Variants in NBEA observed in about 807,000 individuals in gnomAD.
NBEA encodes neurobeachin.
In NBEA, 44 loss-of-function variants were observed where a neutral mutation model predicts 343.4. That is an observed-to-expected ratio of 0.13 (90% CI 0.10 to 0.16). NBEA has a LOEUF of 0.16. NBEA is among the 10% of genes least tolerant of loss of function. The pLI, the probability that NBEA is intolerant of heterozygous loss-of-function variation, is 1.00. For synonymous variants in NBEA, 1,175 were observed against 1,238.7 expected, an observed-to-expected ratio of 0.95 and a Z score of 1.08; for missense variants, 2,555 against 3,631.3, an observed-to-expected ratio of 0.70 and a Z score of 7.62.
intron 48 of NBEA, among the ~76,000 whole-genome samples, chr13:35,626,183 T>C (rs2083221660): frequency 6.6e-6 from 1 of 152,180 alleles, no homozygotes; most frequent in Non-Finnish European, 1.5e-5. Flanking sequence ...TATATTTTTA[T>C]AGTTCAAAAG....
chr13:35,171,412 C>T lies in NBEA; in HGVS notation c.4383C>T (p.Asn1461=). ...TTAGTGAGATTGAAGCTGAGAAAAACATGTCTTCTGGAGGTTTAATGCGAC... is the reference window on the plus strand; with the variant it reads ...TTAGTGAGATTGAAGCTGAGAAAAATATGTCTTCTGGAGGTTTAATGCGAC... The part of the protein sequence containing the change: ...LNFSEIEAEK[N]MSSGGLMRQC... Residue 1461 remains asparagine, a synonymous_variant, in exon 26 of 59, where the codon AAC becomes AAT. Coordinates refer to ENST00000379939, the MANE Select transcript of NBEA (RefSeq NM_001385012.1). The T allele has an allele frequency of 6.2e-7, 1 of 1,611,908 alleles. No homozygotes were observed. The highest frequency in any genetic ancestry group is 8.5e-7 in the Non-Finnish European group (1 of 1,178,448).
intron 38 of NBEA, among the ~76,000 whole-genome samples, chr13:35,399,899 A>G (rs1414715697): frequency 1.3e-5 from 2 of 152,028 alleles, no homozygotes; most frequent in African/African-American, 4.8e-5. Flanking sequence ...GGAATAGGGA[A>G]GCCCAAAGGG....
chr13:34,969,621 C>G (rs1369481090), intron 1 of NBEA, among the ~76,000 whole-genome samples: 1 of 152,036 alleles, frequency 6.6e-6, no homozygotes, highest in Non-Finnish European at 1.5e-5. Context: ...TACCATTTAG[C>G]TCCCACTTAC....
intron 1 of NBEA, among the ~76,000 whole-genome samples, chr13:35,008,387 C>T (rs963640006): frequency 1.3e-5 from 2 of 152,098 alleles, no homozygotes; most frequent in African/African-American, 4.8e-5. Context: ...CTCCCATATC[C>T]TTTAAATAAT....
At chr13:35,240,559 C>G (rs2030074610) in intron 34 of NBEA, among the ~76,000 whole-genome samples, 1 of 151,790 alleles carries the variant, frequency 6.6e-6, no homozygotes, top group Non-Finnish European at 1.5e-5. Context: ...AAAATTAATA[C>G]TGGAGGAAAT....
chr13:35,084,355 A>G (rs553248848), intron 10 of NBEA, among the ~76,000 whole-genome samples: 79 of 150,588 alleles, frequency 5.2e-4, no homozygotes, highest in African/African-American at 1.8e-3. Context: ...ATGTAAAAGA[A>G]CAGAAATTAT....
intron 38 of NBEA, among the ~76,000 whole-genome samples, chr13:35,373,315 A>G (rs1228104432): frequency 1.3e-5 from 2 of 152,178 alleles, no homozygotes; most frequent in Non-Finnish European, 2.9e-5. Context: ...GCCTCTAGTC[A>G]GCCATGTTAA....
At chr13:35,255,836 G>A (rs1290802470) in intron 34 of NBEA, among the ~76,000 whole-genome samples, 1 of 152,228 alleles carries the variant, frequency 6.6e-6, no homozygotes, top group African/African-American at 2.4e-5. Flanking sequence ...ACCATTTGGT[G>A]AGTCCCAAGT....
At chr13:35,256,018 G>A (rs1427183711) in intron 34 of NBEA, among the ~76,000 whole-genome samples, 2 of 151,830 alleles carry the variant, frequency 1.3e-5, no homozygotes, top group Non-Finnish European at 2.9e-5. Flanking sequence ...AAGGATACCT[G>A]GAGTGAGTAG....
intron 34 of NBEA, among the ~76,000 whole-genome samples, chr13:35,264,649 A>G (rs949822620): frequency 1.3e-5 from 2 of 151,964 alleles, no homozygotes; most frequent in Non-Finnish European, 1.5e-5. Flanking sequence ...GACAAAAACC[A>G]TATGATCATT....
intron 34 of NBEA, among the ~76,000 whole-genome samples, chr13:35,266,303 A>G (rs1195942723): frequency 6.6e-6 from 1 of 151,872 alleles, no homozygotes; most frequent in Non-Finnish European, 1.5e-5. Context: ...CTAAAAACAG[A>G]ACTACCATAT....
At chr13:35,166,535 A>C (rs920925222) in intron 24 of NBEA, among the ~76,000 whole-genome samples, 1 of 152,060 alleles carries the variant, frequency 6.6e-6, no homozygotes, top group African/African-American at 2.4e-5. Flanking sequence ...TTATTTTCTC[A>C]ATTTCTATAT....
At chr13:35,108,177 A>G (rs2066011537) in intron 11 of NBEA, among the ~76,000 whole-genome samples, 1 of 152,002 alleles carries the variant, frequency 6.6e-6, no homozygotes, top group Non-Finnish European at 1.5e-5. Flanking sequence ...TAGCGAGGAA[A>G]GATGTGTTGT....
intron 46 of NBEA, among the ~76,000 whole-genome samples, chr13:35,587,973 A>C (rs567287866): frequency 3.9e-5 from 6 of 152,316 alleles, no homozygotes; most frequent in African/African-American, 7.2e-5. Context: ...GAAACAGGTA[A>C]AATTAATTTT....
chr13:34,965,031 T>C (rs2059776605), intron 1 of NBEA, among the ~76,000 whole-genome samples: 1 of 152,080 alleles, frequency 6.6e-6, no homozygotes, highest in African/African-American at 2.4e-5. Flanking sequence ...TGATACATAT[T>C]ATGGTCTTCC....
chr13:35,516,368 C>T (rs528256583), intron 41 of NBEA, among the ~76,000 whole-genome samples: 13 of 152,170 alleles, frequency 8.5e-5, no homozygotes, highest in African/African-American at 2.9e-4. Context: ...CTATTAAATG[C>T]TACACGTATA....
chr13:34,962,980 T>A (rs2152492685), intron 1 of NBEA, among the ~76,000 whole-genome samples: 1 of 152,194 alleles, frequency 6.6e-6, no homozygotes, highest in South Asian at 2.1e-4. Flanking sequence ...ATTTAGTTTT[T>A]CAGATGTGGA....
chr13:34,958,915 C>T (rs2059577896), intron 1 of NBEA, among the ~76,000 whole-genome samples: 2 of 152,092 alleles, frequency 1.3e-5, no homozygotes, highest in African/African-American at 4.8e-5. Flanking sequence ...TTTTCCTTAA[C>T]TGTTTTGGTA....
chr13:35,594,972 C>T (rs2081710993), intron 47 of NBEA, among the ~76,000 whole-genome samples: 1 of 151,104 alleles, frequency 6.6e-6, no homozygotes, highest in South Asian at 2.1e-4. Flanking sequence ...CACACACACA[C>T]ACACACACAC....
Sources: allele counts gnomAD v4.1 joint callset (sites outside exome capture counted in the v4.1 genomes callset), GRCh38; gene constraint gnomAD v4.1.1; transcripts MANE v1.5; gene names NCBI Gene and HGNC (gene_info 2026-07-23, HGNC 2026-07-21).